KCND3: variants seen among roughly 807,000 people sequenced by gnomAD.
KCND3 encodes A-type voltage-gated potassium channel KCND3.
A neutral mutation model predicts 51.1 loss-of-function variants in KCND3; 9 were observed. That is an observed-to-expected ratio of 0.18 (90% CI 0.11 to 0.31). KCND3 has a LOEUF of 0.31. KCND3 is among the 10% of genes least tolerant of loss of function. KCND3 has a pLI of 1.00. For missense variants in KCND3, 526 were observed against 903.8 expected (o/e 0.58, Z 5.36); for synonymous variants, 349 against 368.0 (o/e 0.95, Z 0.59).
chr1:111,955,458 C>T (rs539697292), intron 2 of KCND3, among the ~76,000 whole-genome samples: 8 of 152,190 alleles, frequency 5.3e-5, no homozygotes, highest in Non-Finnish European at 1.0e-4. Flanking sequence ...CTTCAAGAAG[C>T]CTCTCATGGT....
chr1:111,814,910 G>T (rs1045983586), intron 2 of KCND3, among the ~76,000 whole-genome samples: 8 of 152,176 alleles, frequency 5.3e-5, no homozygotes, highest in African/African-American at 1.9e-4. Flanking sequence ...ATATTAAGGA[G>T]GCCCACCCAG....
rs1664337965 is a variant in KCND3, at chr1:111,780,675, C to A, written c.1371+15G>T. 1.3e-6 allele frequency: 2 copies of A among 1,597,436 alleles called. No individual in the cohort carries two copies. Among genetic ancestry groups the A allele is most frequent in the African/African-American group, 2.7e-5 (2 of 74,794 alleles). On this transcript the variant is annotated intron_variant, in intron 4 of 7. Transcript: ENST00000302127. This position sits in a 1 kb window ranked among gnomAD's most constrained non-coding sequence, Gnocchi z 4.2. ...CCCCTTTATGTTCCCTAGCCCAGGT[C>A]CTCTAGGCACCTACCGTCAGCTCCA...
At chr1:111,861,109 A>T (rs894758825) in intron 2 of KCND3, among the ~76,000 whole-genome samples, 3 of 152,002 alleles carry the variant, frequency 2.0e-5, no homozygotes, top group Non-Finnish European at 4.4e-5. Context: ...ACCAGTTCTC[A>T]GGTGGTGACT....
chr1:111,804,517 A>T (rs2101555162), intron 2 of KCND3, among the ~76,000 whole-genome samples: 1 of 152,318 alleles, frequency 6.6e-6, no homozygotes, highest in East Asian at 1.9e-4. Context: ...TGCTGAGGTC[A>T]CTTGCAGGGC....
chr1:111,780,692 T>C lies in KCND3; in HGVS notation c.1369A>G (p.Thr457Ala), dbSNP rs574382498. Reference protein sequence around the residue: ...NGLLNEALELTGTPEEEHMGK... With the variant: ...NGLLNEALELAGTPEEEHMGK... ...GCCCAGGTCCTCTAGGCACCTACCG[T>C]CAGCTCCAGCGCCTCGTTGAGGAGC... is the stretch of plus-strand genomic sequence containing the variant. Residue 457 changes from threonine (T) to alanine (A), a missense_variant and splice_region_variant, in exon 4 of 8, where the codon ACG becomes GCG. By Grantham distance (58) the Thr-to-Ala change is moderately conservative (BLOSUM62 0). This residue lies in a region of KCND3 where 266 missense variants were observed against 305.5 expected (regional missense o/e 0.87). Coordinates refer to ENST00000302127, the MANE Select transcript of KCND3 (RefSeq NM_001378969.1). This position sits in a 1 kb window ranked among gnomAD's most constrained non-coding sequence, Gnocchi z 4.2. The C allele has an allele frequency of 3.7e-6, 6 of 1,608,420 alleles. No individual in the cohort carries two copies. In the East Asian group the frequency reaches 1.3e-4, roughly 36 times the overall value.
chr1:111,824,534 G>A (rs1220253083), intron 2 of KCND3, among the ~76,000 whole-genome samples: 1 of 152,162 alleles, frequency 6.6e-6, no homozygotes, highest in Non-Finnish European at 1.5e-5. Context: ...GATGAGCAAG[G>A]GTTAAAGAGG....
Position 111,981,472 on chromosome 1 carries a change from C to G in KCND3, c.1106+149G>C. On this transcript the variant is annotated intron_variant, in intron 2 of 7. Coordinates refer to ENST00000302127, the MANE Select transcript of KCND3 (RefSeq NM_001378969.1). The surrounding 1 kb of genome is among the most constrained non-coding windows in gnomAD (Gnocchi z 6.2). Reference sequence around the variant, plus strand: ...CCAAACAGATGACTCATGGGCTTTACCCTTCGGATAGAGCAACTTCCCCTG... The same window carrying G: ...CCAAACAGATGACTCATGGGCTTTAGCCTTCGGATAGAGCAACTTCCCCTG... 8.8e-7 allele frequency: 1 copy of G among 1,131,428 alleles called. No individual in the cohort carries two copies. Among genetic ancestry groups the G allele is most frequent in the Non-Finnish European group, 1.3e-6 (1 of 770,950 alleles). 70.1% of individuals were successfully genotyped at this position (1,131,428 alleles called of 1,614,324 possible). A position where few individuals can be genotyped will look rare whatever the true frequency, so the allele number is the denominator to read the frequency against.
chr1:111,977,731 TCCC>T (rs983257095), intron 2 of KCND3, among the ~76,000 whole-genome samples: 4 of 152,244 alleles, frequency 2.6e-5, no homozygotes, highest in Non-Finnish European at 5.9e-5. Flanking sequence ...CTCCTGAGCT[TCCC>T]CCATGGACTG....
At chr1:111,889,318 A>G (rs1669720452) in intron 2 of KCND3, among the ~76,000 whole-genome samples, 1 of 152,162 alleles carries the variant, frequency 6.6e-6, no homozygotes, top group South Asian at 2.1e-4. Context: ...CCAAGATGGG[A>G]CCCTGGCACC....
In KCND3 at chr1:111,772,859, T is replaced by A. The variant is rs1663975681; in HGVS notation, c.*3218A>T. The A allele has an allele frequency of 6.6e-6, 1 of 152,238 alleles. No homozygotes were observed. The highest frequency in any genetic ancestry group is 1.5e-5 in the Non-Finnish European group (1 of 68,046). The allele number at this position is 152,238 out of a possible 1,614,324, so 9.4% of individuals were successfully genotyped here. ...TTATGTCAAAGTGGTTCATGAACTA[T>A]GAAAGCTCAAGGGTCATGGCTATTG... On this transcript the variant is annotated 3_prime_UTR_variant, in exon 8 of 8. Coordinates refer to ENST00000302127, the MANE Select transcript of KCND3 (RefSeq NM_001378969.1).
rs1675521221 is a variant in KCND3 at position 111,989,609 on chromosome 1, G to A, written c.-177C>T. Among the ~76,000 whole-genome samples, 1 of 147,706 alleles carries A rather than the reference G, an allele frequency of 6.8e-6. No individual in the cohort carries two copies. Among genetic ancestry groups the A allele is most frequent in the Non-Finnish European group, 1.5e-5 (1 of 66,282 alleles). ...AGGCGCCGAGCGCCCAGCAGCGCGG[G>A]GAAGCGCCCAGCAGCCGCCGCTCGC... On this transcript the variant is annotated 5_prime_UTR_variant, in exon 1 of 8. Transcript: ENST00000302127.
At chr1:111,915,790 T>C (rs1035460227) in intron 2 of KCND3, among the ~76,000 whole-genome samples, 2 of 144,232 alleles carry the variant, frequency 1.4e-5, no homozygotes, top group Non-Finnish European at 3.0e-5. Context: ...GGAGTGACTA[T>C]ATCAGACAAA....
intron 2 of KCND3, among the ~76,000 whole-genome samples, chr1:111,948,085 C>A (rs1672869642): frequency 6.6e-6 from 1 of 152,200 alleles, no homozygotes; most frequent in Non-Finnish European, 1.5e-5. Context: ...CCCTGGGGTA[C>A]AAGGATGGCC....
rs1663913111 is a variant in KCND3, at chr1:111,771,765, TC to T, written c.*4311del. On this transcript the variant is annotated 3_prime_UTR_variant, in exon 8 of 8. Transcript: ENST00000302127. ...ATTAACTGTCAACTTTAAGTTCTGT[TC>T]AAATTCTGTGTGATTGTAAACTAAT... 2 of 152,238 alleles carry T rather than the reference TC, an allele frequency of 1.3e-5. No homozygotes were observed. The highest frequency in any genetic ancestry group is 4.8e-5 in the African/African-American group (2 of 41,464). The allele number at this position is 152,238 out of a possible 1,614,324, so 9.4% of individuals were successfully genotyped here. A position where few individuals can be genotyped will look rare whatever the true frequency, so the allele number is the denominator to read the frequency against.
rs777438850 is a variant in KCND3, at chr1:111,981,220, C to T, written c.1106+401G>A. ...TCTGGTAATGGACATCTGAACCCTC[C>T]GAACTTCTCAACAGTCTCCTCCCTC... On this transcript the variant is annotated intron_variant, in intron 2 of 7. Coordinates refer to ENST00000302127, the MANE Select transcript of KCND3 (RefSeq NM_001378969.1). The surrounding 1 kb of genome is among the most constrained non-coding windows in gnomAD (Gnocchi z 6.2). Among the ~76,000 whole-genome samples the T allele has an allele frequency of 6.6e-6, 1 of 152,008 alleles. No individual in the cohort carries two copies. Among genetic ancestry groups the T allele is most frequent in the African/African-American group, 2.4e-5 (1 of 41,364 alleles).
In KCND3 at chr1:111,780,683, C is replaced by A; in HGVS notation, c.1371+7G>T. ...TGTTCCCTAGCCCAGGTCCTCTAGG[C>A]ACCTACCGTCAGCTCCAGCGCCTCG... On this transcript the variant is annotated splice_region_variant and intron_variant, in intron 4 of 7. Transcript: ENST00000302127. This position sits in a 1 kb window ranked among gnomAD's most constrained non-coding sequence, Gnocchi z 4.2. 3 of 1,604,350 alleles carry A rather than the reference C, an allele frequency of 1.9e-6. No individual in the cohort carries two copies.
At chr1:111,895,354 G>A (rs1305699667) in intron 2 of KCND3, among the ~76,000 whole-genome samples, 6 of 152,150 alleles carry the variant, frequency 3.9e-5, no homozygotes, top group African/African-American at 1.2e-4. Flanking sequence ...CATTTTACAT[G>A]GCCTTGGCCT....
At chr1:111,879,541 T>G (rs1471542087) in intron 2 of KCND3, among the ~76,000 whole-genome samples, 1 of 152,202 alleles carries the variant, frequency 6.6e-6, no homozygotes, top group African/African-American at 2.4e-5. Context: ...GCTCTGCATG[T>G]GCTATGGGGC....
At chr1:111,976,990 G>A (rs903995635) in intron 2 of KCND3, among the ~76,000 whole-genome samples, 1 of 152,230 alleles carries the variant, frequency 6.6e-6, no homozygotes, top group Non-Finnish European at 1.5e-5. Flanking sequence ...CCTCTCTTAA[G>A]AATTTCAGCA....
Sources: allele counts gnomAD v4.1 joint callset (sites outside exome capture counted in the v4.1 genomes callset), GRCh38; gene constraint gnomAD v4.1.1; regional missense constraint gnomAD v4.1.1; non-coding constraint Gnocchi (gnomAD v3.1); transcripts MANE v1.5; gene names NCBI Gene and HGNC (gene_info 2026-07-23, HGNC 2026-07-21).